The following SPATA22 variants were observed in gnomAD, a reference collection of about 807,000 sequenced individuals.
SPATA22 encodes spermatogenesis associated 22, also known as spermatogenesis-associated protein 22.
In SPATA22, 29 loss-of-function variants were observed where a neutral mutation model predicts 47.8. That is an observed-to-expected ratio of 0.61 (90% CI 0.45 to 0.83). The LOEUF is 0.83. Ranked by LOEUF, SPATA22 falls within the 40% of genes least tolerant of loss-of-function variation. The pLI is 0.00. For missense variants in SPATA22, 410 were observed against 421.7 expected, an observed-to-expected ratio of 0.97 and a Z score of 0.24; for synonymous variants, 133 against 140.9, an observed-to-expected ratio of 0.94 and a Z score of 0.40.
chr17:3,463,935 C>CTCTCCCTCTGCG (rs2073197963), intron 3 of SPATA22, among the ~76,000 whole-genome samples: 1 of 78,808 alleles, frequency 1.3e-5, no homozygotes, highest in South Asian at 3.9e-4. Flanking sequence ...CTCCCTCTCC[C>CTCTCCCTCTGCG]TCTCCCTCTC....
intron 5 of SPATA22, among the ~76,000 whole-genome samples, chr17:3,458,585 G>A (rs2073047723): frequency 6.6e-6 from 1 of 152,120 alleles, no homozygotes; most frequent in Non-Finnish European, 1.5e-5. Context: ...GCTCACACCT[G>A]TGATCCCAGC....
Position 3,485,082 on chromosome 17 carries a change from G to A in SPATA22, c.-73-15684C>T, listed in dbSNP as rs1288708512. On this transcript the variant is annotated intron_variant, in intron 1 of 8. Coordinates refer to the SPATA22 transcript ENST00000541913. This position sits in a 1 kb window ranked among gnomAD's most constrained non-coding sequence, Gnocchi z 4.4. ...TTGCCCAGGCTGAGTGTAGTGGCAC[G>A]ATCACAGTTCACTGCAGCCTTGACC... Among the ~76,000 whole-genome samples the A allele has an allele frequency of 3.9e-5, 6 of 152,032 alleles. No individual in the cohort carries two copies. The highest frequency in any genetic ancestry group is 3.4e-3 in the Middle Eastern group (1 of 294).
chr17:3,468,028 T>C (rs933193975), intron 2 of SPATA22, among the ~76,000 whole-genome samples: 2 of 152,240 alleles, frequency 1.3e-5, no homozygotes, highest in Non-Finnish European at 1.5e-5. Context: ...TTCTGCTTAA[T>C]GTGCAGTTCC....
chr17:3,495,849 G>A (rs1484761650), intron 1 of SPATA22, among the ~76,000 whole-genome samples: 2 of 152,210 alleles, frequency 1.3e-5, no homozygotes, highest in Non-Finnish European at 2.9e-5. Flanking sequence ...TTACAGGCAT[G>A]AGCCACCTTG....
chr17:3,457,634 T>C (rs906053193), intron 5 of SPATA22, among the ~76,000 whole-genome samples: 2 of 143,622 alleles, frequency 1.4e-5, no homozygotes, highest in African/African-American at 2.5e-5. Context: ...AACAGGCACA[T>C]AGATCAACAG....
intron 1 of SPATA22, among the ~76,000 whole-genome samples, chr17:3,484,347 TA>T (rs2073683768): frequency 6.6e-6 from 1 of 152,142 alleles, no homozygotes; most frequent in Non-Finnish European, 1.5e-5. Flanking sequence ...AACAGCTTCG[TA>T]TGTGATGAGA....
At chr17:3,493,723 C>T (rs562941424) in intron 1 of SPATA22, among the ~76,000 whole-genome samples, 4 of 152,204 alleles carry the variant, frequency 2.6e-5, no homozygotes, top group East Asian at 1.9e-4. Flanking sequence ...GTCAAGAAAG[C>T]GAGCCTCAAG....
chr17:3,466,695 G>A lies in SPATA22; in HGVS notation c.172+731C>T, dbSNP rs117109376. Among the ~76,000 whole-genome samples the A allele has an allele frequency of 2.0e-4, 30 of 152,304 alleles. No homozygotes were observed. The East Asian group carries it at 5.8e-3, about 29-fold the overall frequency. On this transcript the variant is annotated intron_variant, in intron 3 of 8. Coordinates refer to ENST00000572969, the MANE Select transcript of SPATA22 (RefSeq NM_001170698.2). Reference sequence around the variant, plus strand: ...TTTAGAACGGGTTATTTACAAATATGATAAATGTATTTCTCAGTTTTGGAG... The same window carrying A: ...TTTAGAACGGGTTATTTACAAATATAATAAATGTATTTCTCAGTTTTGGAG...
At chr17:3,470,233 C>A (rs1036906735) in intron 1 of SPATA22, among the ~76,000 whole-genome samples, 1 of 151,826 alleles carries the variant, frequency 6.6e-6, no homozygotes, top group African/African-American at 2.4e-5. Context: ...AATAGAATTT[C>A]TCTTGTAATT....
At chr17:3,441,379 C>CA (rs946056237) in intron 8 of SPATA22, 3 of 151,654 alleles carry the variant, frequency 2.0e-5, no homozygotes, top group African/African-American at 7.3e-5. Context: ...ACAGACTTTA[C>CA]AAAAAAGATA....
At chr17:3,498,479 C>T (rs2073944884) in intron 1 of SPATA22, among the ~76,000 whole-genome samples, 2 of 152,028 alleles carry the variant, frequency 1.3e-5, no homozygotes, top group East Asian at 3.9e-4. Flanking sequence ...TCCTGAGTAT[C>T]TGGGACTACA....
intron 1 of SPATA22, chr17:3,502,894 G>A (rs1313669924): frequency 6.6e-6 from 1 of 152,280 alleles, no homozygotes; most frequent in African/African-American, 2.4e-5. Context: ...AGCAGAGGTG[G>A]TGAAAGTCAA....
chr17:3,481,464 C>A, intron 1 of SPATA22: 1 of 720,410 alleles, frequency 1.4e-6, no homozygotes, highest in Non-Finnish European at 2.3e-6. Context: ...ATAAACATTT[C>A]AGGTAAGTTT....
intron 7 of SPATA22, 37 bp downstream of exon 7, chr17:3,446,435 G>T (rs1173708148): frequency 3.2e-6 from 5 of 1,572,932 alleles, no homozygotes; most frequent in Non-Finnish European, 4.3e-6. Context: ...GTCCTCCAGA[G>T]AGTATTACTG....
At chr17:3,447,076 T>C (rs2072743155) in intron 6 of SPATA22, among the ~76,000 whole-genome samples, 1 of 152,130 alleles carries the variant, frequency 6.6e-6, no homozygotes, top group Non-Finnish European at 1.5e-5. Flanking sequence ...TCCTCGAAGA[T>C]TTTATTGTCT....
intron 3 of SPATA22, among the ~76,000 whole-genome samples, chr17:3,466,549 C>T (rs374786286): frequency 6.6e-6 from 1 of 152,248 alleles, no homozygotes; most frequent in African/African-American, 2.4e-5. Flanking sequence ...AGAACTAGAA[C>T]TAAAAGGTTA....
chr17:3,476,505 G>A (rs772312137), upstream of SPATA22: 4 of 1,000,006 alleles, frequency 4.0e-6, no homozygotes, highest in South Asian at 1.3e-5. Context: ...GTCCGTACAT[G>A]CAGTCGTATG....
chr17:3,447,623 G>T (rs1203022591), intron 6 of SPATA22, among the ~76,000 whole-genome samples: 1 of 152,112 alleles, frequency 6.6e-6, no homozygotes, highest in Middle Eastern at 3.2e-3. Context: ...TGAAAAGATT[G>T]CTTTTTCAGA....
chr17:3,448,738 G>A (rs2072784863), intron 6 of SPATA22, 69 bp downstream of exon 6: 1 of 1,182,202 alleles, frequency 8.5e-7, no homozygotes, highest in East Asian at 2.5e-5. Context: ...TATCTCTGTA[G>A]TTTTCTAAAT....
Sources: gnomAD v4.1 joint callset for allele counts (sites outside exome capture counted in the v4.1 genomes callset) on GRCh38, gnomAD v4.1.1 for gene constraint, Gnocchi (gnomAD v3.1) non-coding constraint, MANE v1.5 for transcripts, NCBI Gene and HGNC (gene_info 2026-07-23, HGNC 2026-07-21) for gene names.